The following UVRAG variants were observed in gnomAD, a reference collection of about 807,000 sequenced individuals.
UVRAG encodes the protein UV radiation resistance associated.
In UVRAG, 19 loss-of-function variants were observed where a neutral mutation model predicts 78.0. The observed-to-expected ratio is 0.24, with a 90% CI of 0.17 to 0.36. The LOEUF is 0.36. Ranked by LOEUF, UVRAG falls within the 10% of genes least tolerant of loss-of-function variation. UVRAG has a pLI of 1.00. For synonymous variants in UVRAG, 323 were observed against 324.6 expected (o/e 1.00, Z 0.05); for missense variants, 740 against 853.8 (o/e 0.87, Z 1.66).
At chr11:75,870,746 A>C (rs1172418540) in intron 3 of UVRAG, among the ~76,000 whole-genome samples, 1 of 152,222 alleles carries the variant, frequency 6.6e-6, no homozygotes, top group East Asian at 1.9e-4. Flanking sequence ...CTTTAAAAAA[A>C]ATAGTTTAAT....
chr11:75,830,380 C>G (rs1945627945), intron 1 of UVRAG, among the ~76,000 whole-genome samples: 1 of 151,762 alleles, frequency 6.6e-6, no homozygotes. Flanking sequence ...AGCGATTCTC[C>G]TGCCTCAGCC....
Position 75,874,625 on chromosome 11 carries a change from GTATGTGC to G in UVRAG, c.271-5251_271-5245del, listed in dbSNP as rs371706037. Reference sequence around the variant, plus strand: ...GGCTTATTCAGCAGATTAAATATTTGTATGTGCTAGAATAAGCATTCTCTATGCCCTT... The same window carrying G: ...GGCTTATTCAGCAGATTAAATATTTGTAGAATAAGCATTCTCTATGCCCTT... On this transcript the variant is annotated intron_variant, in intron 3 of 14. Transcript: ENST00000356136. 2.5e-3 allele frequency among the ~76,000 whole-genome samples: 374 copies of G among 152,262 alleles called. 4 individuals carry two copies. Among genetic ancestry groups the G allele is most frequent in the African/African-American group, 8.6e-3 (356 of 41,546 alleles).
At chr11:76,109,289 C>T (rs931420515) in intron 13 of UVRAG, among the ~76,000 whole-genome samples, 1 of 152,136 alleles carries the variant, frequency 6.6e-6, no homozygotes, top group East Asian at 1.9e-4. Flanking sequence ...TTTAGCCTGT[C>T]CATAGCTGCC....
intron 3 of UVRAG, chr11:75,878,377 C>T (rs1451036208): frequency 6.1e-6 from 1 of 162,952 alleles, no homozygotes; most frequent in Non-Finnish European, 1.3e-5. Flanking sequence ...ACTTTCCAGA[C>T]TGGGCAGCCA....
At chr11:75,972,339 TA>T (rs1949140409) in intron 7 of UVRAG, among the ~76,000 whole-genome samples, 1 of 152,208 alleles carries the variant, frequency 6.6e-6, no homozygotes, top group South Asian at 2.1e-4. Flanking sequence ...TCTAGAAGTA[TA>T]ATTTTTAATT....
chr11:75,953,193 A>G (rs1286704431), intron 6 of UVRAG, among the ~76,000 whole-genome samples: 1 of 151,984 alleles, frequency 6.6e-6, no homozygotes, highest in East Asian at 1.9e-4. Flanking sequence ...TCCTGTCACT[A>G]TTTTAATTTA....
intron 3 of UVRAG, among the ~76,000 whole-genome samples, chr11:75,877,837 G>A (rs1356309523): frequency 2.2e-5 from 3 of 137,274 alleles, no homozygotes; most frequent in African/African-American, 8.3e-5. Context: ...TCACCTCCCG[G>A]ACGGGGCGGC....
chr11:75,894,680 A>G (rs555734817), intron 5 of UVRAG, among the ~76,000 whole-genome samples: 9 of 151,836 alleles, frequency 5.9e-5, no homozygotes, highest in African/African-American at 2.2e-4. Context: ...TGGGGATTAC[A>G]GGCTGAGGCA....
chr11:76,121,388 C>T (rs1015373784), intron 14 of UVRAG, among the ~76,000 whole-genome samples: 1 of 152,144 alleles, frequency 6.6e-6, no homozygotes, highest in African/African-American at 2.4e-5. Flanking sequence ...AATCTGTGCT[C>T]TTTTGAATAC....
chr11:75,995,033 T>C (rs2135309036), intron 8 of UVRAG, among the ~76,000 whole-genome samples: 1 of 152,340 alleles, frequency 6.6e-6, no homozygotes. Context: ...AAGATTTCTT[T>C]CAGCTCTATT....
chr11:75,845,026 G>T (rs58509556), intron 1 of UVRAG, among the ~76,000 whole-genome samples: 11,486 of 152,186 alleles, frequency 0.075, 1,420 homozygotes, highest in African/African-American at 0.26. Flanking sequence ...GTATTTGAAA[G>T]ATTTATAAAA....
At chr11:75,942,121 T>C (rs1273450222) in intron 6 of UVRAG, 1 of 152,232 alleles carries the variant, frequency 6.6e-6, no homozygotes, top group Non-Finnish European at 1.5e-5. Context: ...GGAAAAAATA[T>C]CTGAATTGTT....
At chr11:76,036,419 AC>A (rs1950535640) in intron 12 of UVRAG, among the ~76,000 whole-genome samples, 3 of 151,894 alleles carry the variant, frequency 2.0e-5, no homozygotes, top group Admixed American at 2.0e-4. Flanking sequence ...GTGTGATGGC[AC>A]CCAGCTACTG....
At chr11:75,888,289 A>G (rs1227207441) in intron 4 of UVRAG, among the ~76,000 whole-genome samples, 1 of 151,962 alleles carries the variant, frequency 6.6e-6, no homozygotes, top group African/African-American at 2.4e-5. Context: ...GTGCACCATC[A>G]TGCCCGGCTA....
chr11:76,138,961 A>G (rs1952649592), intron 14 of UVRAG, among the ~76,000 whole-genome samples: 1 of 152,224 alleles, frequency 6.6e-6, no homozygotes, highest in African/African-American at 2.4e-5. Flanking sequence ...AATTTGGGCA[A>G]CATATTAACT....
In UVRAG at chr11:76,008,875, A is replaced by AT; in HGVS notation, c.1060+14dup. 7.1e-7 allele frequency: 1 copy of AT among 1,417,038 alleles called. No homozygotes were observed. The highest frequency in any genetic ancestry group is 9.6e-7 in the Non-Finnish European group (1 of 1,044,338). The allele number at this position is 1,417,038 out of a possible 1,614,324, so 87.8% of individuals were successfully genotyped here. On this transcript the variant is annotated intron_variant, in intron 11 of 14. Coordinates refer to ENST00000356136, the MANE Select transcript of UVRAG (RefSeq NM_003369.4). ...ATTCTGAGGACTTCCAAGGTATTTT[A>AT]TTTTTTATTTTGAAGATTTGTTATA...
At chr11:75,890,655 GTC>G (rs1291300121) in intron 5 of UVRAG, among the ~76,000 whole-genome samples, 2 of 151,318 alleles carry the variant, frequency 1.3e-5, no homozygotes, top group Non-Finnish European at 3.0e-5. Flanking sequence ...GGATCTATGA[GTC>G]TGAAGTTCAG....
At chr11:76,139,421 T>G (rs1170183796) in intron 14 of UVRAG, among the ~76,000 whole-genome samples, 1 of 152,232 alleles carries the variant, frequency 6.6e-6, no homozygotes, top group Non-Finnish European at 1.5e-5. Flanking sequence ...CCTACTGGTC[T>G]TGCATCTGTC....
At chr11:75,871,157 C>T (rs1308701033) in intron 3 of UVRAG, among the ~76,000 whole-genome samples, 2 of 151,074 alleles carry the variant, frequency 1.3e-5, no homozygotes, top group Non-Finnish European at 3.0e-5. Context: ...TACAAGCATG[C>T]GCCCCTGCGC....
Sources: gnomAD v4.1 joint callset for allele counts (sites outside exome capture counted in the v4.1 genomes callset) on GRCh38, gnomAD v4.1.1 for gene constraint, MANE v1.5 for transcripts, NCBI Gene and HGNC (gene_info 2026-07-23, HGNC 2026-07-21) for gene names.